NPAT: variants seen among roughly 807,000 people sequenced by gnomAD.
NPAT encodes the protein protein NPAT.
NPAT carries 52 observed loss-of-function variants against 130.7 expected under a neutral mutation model. That is an observed-to-expected ratio of 0.40 (90% CI 0.32 to 0.50). NPAT has a LOEUF of 0.50. Ranked by LOEUF, NPAT falls within the 20% of genes least tolerant of loss-of-function variation. The probability of loss-of-function intolerance (pLI) is 0.68; values close to 1 mark genes in which losing one functional copy is unlikely to be tolerated. For synonymous variants in NPAT, 580 were observed against 584.8 expected, an observed-to-expected ratio of 0.99 and a Z score of 0.12; for missense variants, 1,687 against 1,662.6, an observed-to-expected ratio of 1.01 and a Z score of -0.26.
chr11:108,220,566 G>A (rs1045848204), intron 1 of NPAT, among the ~76,000 whole-genome samples: 1 of 151,876 alleles, frequency 6.6e-6, no homozygotes, highest in Non-Finnish European at 1.5e-5. Context: ...CATTATGAAG[G>A]GACCAATAAC....
rs547339680 is a variant in NPAT, at chr11:108,222,628, G to C, written c.-92C>G. 420 of 1,405,026 alleles carry C rather than the reference G, an allele frequency of 3.0e-4. No homozygotes were observed. The highest frequency in any genetic ancestry group is 2.8e-3 in the Middle Eastern group (16 of 5,728). 87.0% of individuals were successfully genotyped at this position (1,405,026 alleles called of 1,614,324 possible). A position where few individuals can be genotyped will look rare whatever the true frequency, so the allele number is the denominator to read the frequency against. The stretch of plus-strand genomic sequence containing the variant: ...TCCTGCGCCGCATCTCCTGGTTCCA[G>C]TGGCGGCACTGAACTCGCGGCAATT... On this transcript the variant is annotated 5_prime_UTR_variant, in exon 1 of 18. Transcript: ENST00000278612.
At chr11:108,205,092 G>A (rs1475978983) in intron 1 of NPAT, among the ~76,000 whole-genome samples, 1 of 152,078 alleles carries the variant, frequency 6.6e-6, no homozygotes, top group African/African-American at 2.4e-5. Flanking sequence ...AAACAAAATC[G>A]TGAAAGCAGT....
chr11:108,216,320 T>C (rs2078435417), intron 1 of NPAT, among the ~76,000 whole-genome samples: 1 of 152,184 alleles, frequency 6.6e-6, no homozygotes, highest in Non-Finnish European at 1.5e-5. Context: ...GTAGATTTGC[T>C]TTCCCCTAGA....
At chr11:108,204,539 A>G (rs891672134) in intron 1 of NPAT, among the ~76,000 whole-genome samples, 4 of 125,606 alleles carry the variant, frequency 3.2e-5, no homozygotes, top group Non-Finnish European at 3.5e-5. Context: ...GCGGGACAAA[A>G]CCCTGGAACC....
At chr11:108,174,008 C>CA (rs1353229370) in intron 12 of NPAT, among the ~76,000 whole-genome samples, 157 bp from the exon 13 acceptor site, 1 of 152,122 alleles carries the variant, frequency 6.6e-6, no homozygotes, top group African/African-American at 2.4e-5. Flanking sequence ...TACTGAGTAT[C>CA]AAAAAATTTA....
chr11:108,216,213 T>A (rs1426363482), intron 1 of NPAT, among the ~76,000 whole-genome samples: 1 of 152,194 alleles, frequency 6.6e-6, no homozygotes, highest in Non-Finnish European at 1.5e-5. Context: ...TTTCAAGTAC[T>A]TATCACCCTA....
chr11:108,161,225 G>A lies in NPAT; in HGVS notation c.3861C>T (p.Ile1287=). ...TGAAACGCCTACTAGAGGGGGCCTT[G>A]ATAATATCTATAGGTTCTTCTTTAT... is the stretch of plus-strand genomic sequence containing the variant. ...EKHKEEPIDI[I]KAPSSRRFSE... is the part of the protein sequence containing the mutation. Residue 1287 remains isoleucine (I), a synonymous_variant, in exon 17 of 18, where the codon ATC becomes ATT. Coordinates refer to ENST00000278612, the MANE Select transcript of NPAT (RefSeq NM_002519.3). 6.2e-7 allele frequency: 1 copy of A among 1,614,124 alleles called. No individual in the cohort carries two copies. The highest frequency in any genetic ancestry group is 8.5e-7 in the Non-Finnish European group (1 of 1,180,012).
At chr11:108,212,697 C>T (rs1277377722) in intron 1 of NPAT, among the ~76,000 whole-genome samples, 1 of 151,956 alleles carries the variant, frequency 6.6e-6, no homozygotes, top group Non-Finnish European at 1.5e-5. Flanking sequence ...ATAATCCCAG[C>T]ACTCTGGGAG....
At chr11:108,171,981 AAAG>A in intron 13 of NPAT, 6 of 560,504 alleles carry the variant, frequency 1.1e-5, no homozygotes, top group Non-Finnish European at 1.9e-5. Flanking sequence ...TGAAAAGAAA[AAAG>A]AAAAACCACT....
chr11:108,177,153 T>C, intron 10 of NPAT, 63 bp from the exon 11 acceptor site: 2 of 739,628 alleles, frequency 2.7e-6, no homozygotes, highest in Non-Finnish European at 2.2e-6. Flanking sequence ...TTACATATTA[T>C]ATATATATAA....
intron 1 of NPAT, among the ~76,000 whole-genome samples, chr11:108,222,106 T>C (rs570351563): frequency 1.3e-5 from 2 of 152,238 alleles, no homozygotes; most frequent in Non-Finnish European, 2.9e-5. Flanking sequence ...AACTCCCTAT[T>C]TGCCCTATTT....
intron 12 of NPAT, among the ~76,000 whole-genome samples, chr11:108,175,246 T>C (rs559498212): frequency 3.7e-4 from 57 of 152,348 alleles, no homozygotes; most frequent in African/African-American, 1.3e-3. Context: ...TAAATTAAAC[T>C]TTACCATAGG....
rs2078138265 is a variant in NPAT, at chr11:108,189,161, T to C, written c.501A>G (p.Pro167=). The C allele has an allele frequency of 6.2e-7, 1 of 1,614,094 alleles. No individual in the cohort carries two copies. The highest frequency in any genetic ancestry group is 1.3e-5 in the African/African-American group (1 of 74,940). ...VTRPSGQISD[P]SRSYFVVVNH... ...TGACCACTACAAAATATGACCTCGA[T>C]GGATCTGAAATTTGGCCACTTGGTC... Residue 167 remains proline (P), a synonymous_variant, in exon 6 of 18, where the codon CCA becomes CCG. Coordinates refer to ENST00000278612, the MANE Select transcript of NPAT (RefSeq NM_002519.3).
chr11:108,161,853 C>T lies in NPAT; in HGVS notation c.3233G>A (p.Gly1078Glu), dbSNP rs890729349. 6.2e-7 allele frequency: 1 copy of T among 1,614,026 alleles called. No homozygotes were observed. The highest frequency in any genetic ancestry group is 1.1e-5 in the South Asian group (1 of 91,078). Reference protein sequence around the residue: ...STTAPVANTQGPNHKMVSQNK... With the variant: ...STTAPVANTQEPNHKMVSQNK... ...TTGGGACACCATCTTATGGTTTGGC[C>T]CCTGCGTATTTGCCACAGGAGCAGT... Residue 1078 changes from glycine (G) to glutamate (E), a missense_variant, in exon 17 of 18, where the codon GGG becomes GAG. Around this residue, in one of 3 missense-constraint regions of NPAT, gnomAD observed 1,379 missense variants for 1,346.6 expected, o/e 1.02. Coordinates refer to ENST00000278612, the MANE Select transcript of NPAT (RefSeq NM_002519.3).
In NPAT at chr11:108,162,130, G is replaced by A. The variant is rs1236250100; in HGVS notation, c.3061C>T (p.His1021Tyr). ...VDSSGHSVGCHAQKTEVSDKS... is the reference protein window; with the variant it reads ...VDSSGHSVGCYAQKTEVSDKS... ...CTACTTTATACTCACTTTTGTGCATGACATCCAACTGAATGACCTGACGAA... is the reference window on the plus strand; with the variant it reads ...CTACTTTATACTCACTTTTGTGCATAACATCCAACTGAATGACCTGACGAA... Residue 1021 changes from histidine (H) to tyrosine (Y), a missense_variant, in exon 16 of 18, where the codon CAT becomes TAT. Physicochemically the swap from His to Tyr is moderately conservative, Grantham distance 83. Coordinates refer to ENST00000278612, the MANE Select transcript of NPAT (RefSeq NM_002519.3). 4.3e-6 allele frequency: 7 copies of A among 1,613,754 alleles called. No individual in the cohort carries two copies. The highest frequency in any genetic ancestry group is 5.9e-6 in the Non-Finnish European group (7 of 1,179,806).
intron 15 of NPAT, among the ~76,000 whole-genome samples, chr11:108,165,732 A>T (rs146232637): frequency 2.8e-4 from 42 of 151,040 alleles, no homozygotes; most frequent in African/African-American, 9.5e-4. Flanking sequence ...CCAGGTTCAC[A>T]CCACTCTCCT....
chr11:108,212,152 T>A (rs1196500627), intron 1 of NPAT, among the ~76,000 whole-genome samples: 1 of 151,264 alleles, frequency 6.6e-6, no homozygotes, highest in African/African-American at 2.4e-5. Flanking sequence ...AGGGAAAAGG[T>A]AAGAAGGTCT....
chr11:108,165,794 T>C (rs1018047927), intron 15 of NPAT, among the ~76,000 whole-genome samples: 8 of 151,918 alleles, frequency 5.3e-5, no homozygotes, highest in Admixed American at 3.3e-4. Context: ...CCACCACGCC[T>C]GGCTAATTTT....
chr11:108,208,564 G>A (rs1447040229), intron 1 of NPAT: 1 of 412,600 alleles, frequency 2.4e-6, no homozygotes, highest in Admixed American at 2.9e-5. Context: ...CTCGAGCCTG[G>A]GCAACAGGGT....
Sources: allele counts gnomAD v4.1 joint callset (sites outside exome capture counted in the v4.1 genomes callset), GRCh38; gene constraint gnomAD v4.1.1; regional missense constraint gnomAD v4.1.1; transcripts MANE v1.5; gene names NCBI Gene and HGNC (gene_info 2026-07-23, HGNC 2026-07-21).